CLSTN2: variants seen among roughly 807,000 people sequenced by gnomAD.
CLSTN2 encodes the protein calsyntenin 2.
A neutral mutation model predicts 101.2 loss-of-function variants in CLSTN2; 48 were observed. That is an observed-to-expected ratio of 0.47 (90% CI 0.38 to 0.60). The LOEUF is 0.60. Ranked by LOEUF, CLSTN2 falls within the 20% of genes least tolerant of loss-of-function variation. The probability of loss-of-function intolerance (pLI) is 0.00; values close to 1 mark genes in which losing one functional copy is unlikely to be tolerated. For missense variants in CLSTN2, 1,160 were observed against 1,238.2 expected (o/e 0.94, Z 0.95); for synonymous variants, 481 against 463.6 (o/e 1.04, Z -0.48).
chr3:140,441,738 C>T (rs1292265999), intron 5 of CLSTN2, among the ~76,000 whole-genome samples: 1 of 152,192 alleles, frequency 6.6e-6, no homozygotes. Context: ...CAGAAGTCAG[C>T]TTCTGTCACT....
At chr3:140,169,614 C>A (rs764624040) in intron 1 of CLSTN2, among the ~76,000 whole-genome samples, 4 of 152,092 alleles carry the variant, frequency 2.6e-5, no homozygotes, top group Non-Finnish European at 5.9e-5. Flanking sequence ...TGTAAAAGTT[C>A]TTTATCCAGT....
intron 2 of CLSTN2, among the ~76,000 whole-genome samples, chr3:140,328,688 T>C (rs1292564306): frequency 6.6e-6 from 1 of 152,130 alleles, no homozygotes; most frequent in Non-Finnish European, 1.5e-5. Context: ...ATGGAGACAG[T>C]CTAGATGTGA....
intron 5 of CLSTN2, among the ~76,000 whole-genome samples, chr3:140,432,011 A>T (rs570476986): frequency 6.8e-4 from 103 of 152,364 alleles, no homozygotes; most frequent in Non-Finnish European, 1.2e-3. Flanking sequence ...AAAAGAAAAC[A>T]CACACACATG....
intron 1 of CLSTN2, among the ~76,000 whole-genome samples, chr3:140,093,946 G>A (rs1441718754): frequency 6.6e-6 from 1 of 152,176 alleles, no homozygotes; most frequent in East Asian, 1.9e-4. Flanking sequence ...GAGGTAATAT[G>A]GGAATGACTA....
chr3:140,343,000 C>T (rs181292385), intron 2 of CLSTN2, among the ~76,000 whole-genome samples: 1 of 152,292 alleles, frequency 6.6e-6, no homozygotes, highest in East Asian at 1.9e-4. Flanking sequence ...CCAATGTGGT[C>T]ACAAGCCCTC....
At chr3:140,515,189 T>C (rs1209293405) in intron 8 of CLSTN2, among the ~76,000 whole-genome samples, 2 of 136,032 alleles carry the variant, frequency 1.5e-5, no homozygotes, top group African/African-American at 7.6e-5. Flanking sequence ...TTGAATGATC[T>C]TTTGTATTTC....
chr3:140,514,208 G>T (rs1166204349), intron 8 of CLSTN2, among the ~76,000 whole-genome samples: 1 of 152,006 alleles, frequency 6.6e-6, no homozygotes, highest in African/African-American at 2.4e-5. Context: ...GTTCTTTAGT[G>T]GTGATTTTTG....
chr3:140,257,754 G>A (rs1316444519), intron 2 of CLSTN2, among the ~76,000 whole-genome samples: 1 of 152,052 alleles, frequency 6.6e-6, no homozygotes, highest in Non-Finnish European at 1.5e-5. Context: ...CAATTCTGCT[G>A]GGCATGTAGG....
chr3:140,056,824 T>C (rs949974496), intron 1 of CLSTN2, among the ~76,000 whole-genome samples: 15 of 152,190 alleles, frequency 9.9e-5, no homozygotes, highest in Admixed American at 6.5e-5. Context: ...CAAGGGTAGG[T>C]TCCTTGAATA....
chr3:140,052,214 A>G (rs912490522), intron 1 of CLSTN2, among the ~76,000 whole-genome samples: 1 of 152,102 alleles, frequency 6.6e-6, no homozygotes, highest in African/African-American at 2.4e-5. Context: ...GCTGGAGTGT[A>G]ATGGCATGAT....
At chr3:140,171,812 ATT>A (rs2010236894) in intron 1 of CLSTN2, among the ~76,000 whole-genome samples, 5 of 104,560 alleles carry the variant, frequency 4.8e-5, no homozygotes, top group African/African-American at 1.1e-4. Flanking sequence ...TGTATTATAT[ATT>A]ATATATTATA....
At chr3:140,321,459 T>C (rs940134778) in intron 2 of CLSTN2, among the ~76,000 whole-genome samples, 4 of 152,138 alleles carry the variant, frequency 2.6e-5, no homozygotes, top group African/African-American at 7.2e-5. Context: ...CACTGCCTTC[T>C]TCTCCCCTTG....
Position 139,935,969 on chromosome 3 carries a change from A to G in CLSTN2, c.109+486A>G, listed in dbSNP as rs184570630. Reference sequence around the variant, plus strand: ...AGGCTCCAGGGAAGGCCCCGCTGACACTCCTCAAGCTCCCCCAGGGCGTCT... The same window carrying G: ...AGGCTCCAGGGAAGGCCCCGCTGACGCTCCTCAAGCTCCCCCAGGGCGTCT... On this transcript the variant is annotated intron_variant, in intron 1 of 16. Transcript: ENST00000458420. This position sits in a 1 kb window ranked among gnomAD's most constrained non-coding sequence, Gnocchi z 5.5. Among the ~76,000 whole-genome samples the G allele has an allele frequency of 1.5e-3, 228 of 150,986 alleles. 1 individual carries two copies. The highest frequency in any genetic ancestry group is 5.4e-3 in the African/African-American group (222 of 40,994).
Position 140,133,939 on chromosome 3 carries a change from G to A in CLSTN2, c.110-42012G>A, listed in dbSNP as rs187392755. On this transcript the variant is annotated intron_variant, in intron 1 of 16. Coordinates refer to ENST00000458420, the MANE Select transcript of CLSTN2 (RefSeq NM_022131.3). ...GTTACTATTCTCTATGGAAATAAGA[G>A]AGTAGTAACTGTCTTCCTTACCTAA... Among the ~76,000 whole-genome samples the A allele has an allele frequency of 2.4e-3, 362 of 152,266 alleles. 2 individuals are homozygous for A. Among genetic ancestry groups the A allele is most frequent in the African/African-American group, 7.2e-3 (299 of 41,552 alleles).
At chr3:140,215,774 T>C (rs962588366) in intron 2 of CLSTN2, among the ~76,000 whole-genome samples, 40 of 152,252 alleles carry the variant, frequency 2.6e-4, no homozygotes, top group Non-Finnish European at 4.7e-4. Flanking sequence ...TCAAACCGCA[T>C]TGTTATAAGG....
intron 1 of CLSTN2, among the ~76,000 whole-genome samples, chr3:140,036,844 T>C (rs1468674907): frequency 4.6e-5 from 7 of 152,144 alleles, no homozygotes. Flanking sequence ...TATATTTATT[T>C]AGGATGAGGA....
intron 1 of CLSTN2, among the ~76,000 whole-genome samples, chr3:140,012,805 AAC>A (rs1423432769): frequency 6.6e-6 from 1 of 152,224 alleles, no homozygotes; most frequent in Non-Finnish European, 1.5e-5. Context: ...AGGTTGAATT[AAC>A]ACAGTGAGGA....
Position 140,570,907 on chromosome 3 carries a change from C to A in CLSTN2, c.*4654C>A, listed in dbSNP as rs1431497079. The A allele has an allele frequency of 1.1e-4, 16 of 152,214 alleles. No individual in the cohort carries two copies. The highest frequency in any genetic ancestry group is 3.6e-4 in the African/African-American group (15 of 41,444). 9.4% of individuals were successfully genotyped at this position (152,214 alleles called of 1,614,324 possible). A position where few individuals can be genotyped will look rare whatever the true frequency, so the allele number is the denominator to read the frequency against. ...CTACCCAGTAGTCTTTGCCTCCAAA[C>A]TGAACAACAGGAAAAAGTGCCATAG... On this transcript the variant is annotated 3_prime_UTR_variant, in exon 17 of 17. Transcript: ENST00000458420.
At chr3:140,158,235 G>T (rs574472902) in intron 1 of CLSTN2, among the ~76,000 whole-genome samples, 1 of 152,174 alleles carries the variant, frequency 6.6e-6, no homozygotes, top group South Asian at 2.1e-4. Context: ...GAAATAAAAG[G>T]CACCCTAATA....
Sources: gnomAD v4.1 joint callset for allele counts (sites outside exome capture counted in the v4.1 genomes callset) on GRCh38, gnomAD v4.1.1 for gene constraint, Gnocchi (gnomAD v3.1) non-coding constraint, MANE v1.5 for transcripts, NCBI Gene and HGNC (gene_info 2026-07-23, HGNC 2026-07-21) for gene names.